Variants in NKAIN3 observed in about 807,000 individuals in gnomAD.
NKAIN3 encodes sodium/potassium-transporting ATPase subunit beta-1-interacting protein 3.
In NKAIN3, 25 loss-of-function variants were observed where a neutral mutation model predicts 30.2. The observed-to-expected ratio is 0.83, with a 90% confidence interval of 0.60 to 1.16. The LOEUF is 1.16. Ranked by LOEUF, NKAIN3 falls within the 50% of genes most tolerant of loss-of-function variation. The probability of loss-of-function intolerance (pLI) is 0.00; values close to 1 mark genes in which losing one functional copy is unlikely to be tolerated. For missense variants in NKAIN3, 225 were observed against 254.1 expected (o/e 0.89, Z 0.78); for synonymous variants, 91 against 89.6 (o/e 1.02, Z -0.09).
intron 4 of NKAIN3, among the ~76,000 whole-genome samples, chr8:62,780,377 C>T (rs987174119): frequency 1.3e-5 from 2 of 151,984 alleles, no homozygotes; most frequent in Non-Finnish European, 2.9e-5. Context: ...GAACTAATAC[C>T]AATTCCCTCA....
chr8:62,424,459 CAAAT>C lies in NKAIN3; in HGVS notation c.55-155077_55-155074del, dbSNP rs201478630. 9.5e-3 allele frequency among the ~76,000 whole-genome samples: 1,408 copies of C among 148,682 alleles called. 18 individuals are homozygous for C. The highest frequency in any genetic ancestry group is 0.031 in the African/African-American group (1,244 of 40,616). Reference sequence around the variant, plus strand: ...TCATACAACTCAATAGCAAAAAAAACAAATAACCCACTTAAAAAGTGTGTGAAGG... The same window carrying C: ...TCATACAACTCAATAGCAAAAAAAACAACCCACTTAAAAAGTGTGTGAAGG... On this transcript the variant is annotated intron_variant, in intron 1 of 6. Transcript: ENST00000623646.
At chr8:62,501,064 T>C (rs1479013175) in intron 1 of NKAIN3, among the ~76,000 whole-genome samples, 1 of 152,240 alleles carries the variant, frequency 6.6e-6, no homozygotes, top group African/African-American at 2.4e-5. Flanking sequence ...TGTTCCTTTT[T>C]TTCTAGTTAT....
intron 4 of NKAIN3, among the ~76,000 whole-genome samples, chr8:62,849,929 C>A (rs983259783): frequency 6.6e-6 from 1 of 152,014 alleles, no homozygotes; most frequent in African/African-American, 2.4e-5. Flanking sequence ...GTGCATGTGT[C>A]TTTATAGCAG....
chr8:62,945,022 AT>A lies in NKAIN3; in HGVS notation c.533-8874del, dbSNP rs1442006736. ...TTTAAAATTCCTTCCTTCCCCAAGT[AT>A]TTTTTAAGACCTGCTTTGTACTAGA... is the stretch of plus-strand genomic sequence containing the variant. On this transcript the variant is annotated intron_variant, in intron 5 of 6. Coordinates refer to ENST00000623646, the MANE Select transcript of NKAIN3 (RefSeq NM_001304533.3). 4.6e-5 allele frequency among the ~76,000 whole-genome samples: 7 copies of A among 152,290 alleles called. No individual in the cohort carries two copies. In the South Asian group the frequency reaches 1.2e-3, roughly 27 times the overall value.
chr8:62,782,765 A>G (rs1249263191), intron 4 of NKAIN3, among the ~76,000 whole-genome samples: 5 of 149,426 alleles, frequency 3.3e-5, no homozygotes, highest in Non-Finnish European at 4.4e-5. Context: ...GAATAGAATG[A>G]TACATACGAG....
chr8:62,820,528 A>C (rs1818816856), intron 4 of NKAIN3, among the ~76,000 whole-genome samples: 1 of 152,166 alleles, frequency 6.6e-6, no homozygotes, highest in Non-Finnish European at 1.5e-5. Flanking sequence ...CATGTTAATC[A>C]TGAAGCTCTA....
chr8:62,846,744 A>G (rs965638938), intron 4 of NKAIN3, among the ~76,000 whole-genome samples: 2 of 152,036 alleles, frequency 1.3e-5, no homozygotes, highest in Non-Finnish European at 1.5e-5. Flanking sequence ...TAGGCATTGT[A>G]TTAATCTGTT....
intron 4 of NKAIN3, among the ~76,000 whole-genome samples, chr8:62,908,381 G>T (rs1821841854): frequency 6.6e-6 from 1 of 152,194 alleles, no homozygotes; most frequent in African/African-American, 2.4e-5. Context: ...AATGTGTTAA[G>T]ACTTTGGGGG....
At chr8:62,454,734 T>G (rs192636504) in intron 1 of NKAIN3, among the ~76,000 whole-genome samples, 1 of 152,338 alleles carries the variant, frequency 6.6e-6, no homozygotes. Flanking sequence ...ATTTTTCTTT[T>G]CAATTGGTCC....
At chr8:62,799,652 CTAAAAG>C (rs1476492896) in intron 4 of NKAIN3, among the ~76,000 whole-genome samples, 1 of 152,160 alleles carries the variant, frequency 6.6e-6, no homozygotes, top group Non-Finnish European at 1.5e-5. Flanking sequence ...CCTTAAAGAA[CTAAAAG>C]TAAATCTACC....
chr8:62,447,607 A>T (rs1165729410), intron 1 of NKAIN3, among the ~76,000 whole-genome samples: 1 of 152,006 alleles, frequency 6.6e-6, no homozygotes, highest in African/African-American at 2.4e-5. Context: ...TCTTTCTCTG[A>T]CATAGGTCCA....
At position 62,724,171 on chromosome 8, in the gene NKAIN3, G is replaced by A. The variant is rs917043060; in HGVS notation, c.274-22761G>A. On this transcript the variant is annotated intron_variant, in intron 3 of 6. Coordinates refer to ENST00000623646, the MANE Select transcript of NKAIN3 (RefSeq NM_001304533.3). ...TCCTTTTAGTATTGTATACTGTCTC[G>A]CTTATTTCGATTATACATAAGAAAG... 4.6e-5 allele frequency among the ~76,000 whole-genome samples: 7 copies of A among 151,888 alleles called. No individual in the cohort carries two copies. In the East Asian group the frequency reaches 1.2e-3, roughly 25 times the overall value.
intron 4 of NKAIN3, among the ~76,000 whole-genome samples, chr8:62,801,718 T>C (rs1273279424): frequency 3.3e-5 from 5 of 152,126 alleles, no homozygotes. Context: ...GCGCCTCTCC[T>C]CCTCCAAAGG....
At chr8:62,912,975 G>A (rs1365634571) in intron 4 of NKAIN3, among the ~76,000 whole-genome samples, 1 of 152,072 alleles carries the variant, frequency 6.6e-6, no homozygotes, top group East Asian at 1.9e-4. Flanking sequence ...AATCATCAGT[G>A]TCACTGGGAT....
At chr8:62,862,849 C>T (rs1249720010) in intron 4 of NKAIN3, among the ~76,000 whole-genome samples, 4 of 151,990 alleles carry the variant, frequency 2.6e-5, no homozygotes, top group African/African-American at 9.7e-5. Context: ...TTAGGAAAAA[C>T]GGCATTAGCT....
intron 3 of NKAIN3, among the ~76,000 whole-genome samples, chr8:62,690,461 C>T (rs760526966): frequency 6.6e-6 from 1 of 152,194 alleles, no homozygotes; most frequent in Non-Finnish European, 1.5e-5. Context: ...GCTTTATTCT[C>T]GGAAGTACAC....
intron 1 of NKAIN3, among the ~76,000 whole-genome samples, chr8:62,403,124 G>C (rs1585768763): frequency 6.6e-6 from 1 of 152,162 alleles, no homozygotes; most frequent in East Asian, 1.9e-4. Context: ...CAAAGAGAAT[G>C]GCAGCATTTT....
exon 6 of NKAIN3, chr8:62,999,411 C>T (rs1804203074): frequency 6.6e-6 from 1 of 152,164 alleles, no homozygotes; most frequent in African/African-American, 2.4e-5. Context: ...TGAGAACTCA[C>T]TCATTTCTGT....
chr8:62,725,010 G>C (rs994916296), intron 3 of NKAIN3, among the ~76,000 whole-genome samples: 2 of 151,912 alleles, frequency 1.3e-5, no homozygotes, highest in Non-Finnish European at 2.9e-5. Flanking sequence ...AGGGTACAAG[G>C]GTTTCTGTTT....
Sources: gnomAD v4.1 joint callset for allele counts (sites outside exome capture counted in the v4.1 genomes callset) on GRCh38, gnomAD v4.1.1 for gene constraint, MANE v1.5 for transcripts, NCBI Gene and HGNC (gene_info 2026-07-23, HGNC 2026-07-21) for gene names.